The following PLEKHG6 variants were observed in gnomAD, a reference collection of about 807,000 sequenced individuals.
The protein encoded by PLEKHG6 is pleckstrin homology domain-containing family G member 6.
In PLEKHG6, 91 loss-of-function variants were observed where a neutral mutation model predicts 97.5. That is an observed-to-expected ratio of 0.93 (90% confidence interval 0.79 to 1.11). The LOEUF (loss-of-function observed/expected upper bound fraction) is 1.11, where lower values mean the gene tolerates loss of function less well. PLEKHG6 is among the 50% of genes most tolerant of loss of function. The pLI is 0.00. For missense variants in PLEKHG6, 1,044 were observed against 1,031.0 expected (o/e 1.01, Z -0.17); for synonymous variants, 466 against 425.5 (o/e 1.10, Z -1.17).
intron 7 of PLEKHG6, among the ~76,000 whole-genome samples, chr12:6,317,059 G>A (rs1056639158): frequency 2.0e-5 from 3 of 152,214 alleles, no homozygotes; most frequent in Admixed American, 6.5e-5. Context: ...TAGCACTGTG[G>A]ATAGAGGGAG....
At chr12:6,310,595 G>T (rs892797922), upstream of PLEKHG6, 3 of 152,376 alleles carry the variant, frequency 2.0e-5, no homozygotes, top group Non-Finnish European at 4.4e-5. Flanking sequence ...GTGAGGGCGG[G>T]GGCTGCTCGG....
At position 6,317,458 on chromosome 12, in the gene PLEKHG6, G is replaced by GTCTTA. The variant is rs759401697; in HGVS notation, c.867+45_867+46insTCTTA. On this transcript the variant is annotated intron_variant, in intron 8 of 15. Transcript: ENST00000684764. ...GGAGGGGGACGGGTGCATCTTAGCC[G>GTCTTA]GCCGGTCTCCAGCTGAGCCTGAGGC... The GTCTTA allele has an allele frequency of 1.9e-6, 3 of 1,609,432 alleles. No individual in the cohort carries two copies. The African/African-American group carries it at 4.0e-5, about 22-fold the overall frequency.
chr12:6,317,544 C>T lies in PLEKHG6; in HGVS notation c.868-3C>T. The T allele has an allele frequency of 6.2e-7, 1 of 1,613,278 alleles. No individual in the cohort carries two copies. The highest frequency in any genetic ancestry group is 8.5e-7 in the Non-Finnish European group (1 of 1,179,702). On this transcript the variant is annotated splice_polypyrimidine_tract_variant and splice_region_variant and intron_variant, in intron 8 of 15. Coordinates refer to ENST00000684764, the MANE Select transcript of PLEKHG6 (RefSeq NM_001384598.1). ...CCCTGAGCCCCACCCACCTTCCCTG[C>T]AGTGGTGTGAGAAGCACAAGCGCTC...
chr12:6,316,011 C>T lies in PLEKHG6; in HGVS notation c.606+92C>T. 1 of 1,234,026 alleles carries T rather than the reference C, an allele frequency of 8.1e-7. No individual in the cohort carries two copies. The highest frequency in any genetic ancestry group is 1.1e-6 in the Non-Finnish European group (1 of 883,140). 76.4% of individuals were successfully genotyped at this position (1,234,026 alleles called of 1,614,324 possible). A position where few individuals can be genotyped will look rare whatever the true frequency, so the allele number is the denominator to read the frequency against. Reference sequence around the variant, plus strand: ...CCTCCAGCCATCCCTGTCTGAATTCCCACTGCCCCGTTTTTTGGGATGCCT... The same window carrying T: ...CCTCCAGCCATCCCTGTCTGAATTCTCACTGCCCCGTTTTTTGGGATGCCT... On this transcript the variant is annotated intron_variant, in intron 6 of 15. Transcript: ENST00000684764. This position sits in a 1 kb window ranked among gnomAD's most constrained non-coding sequence, Gnocchi z 4.1.
At position 6,310,743 on chromosome 12, in the gene PLEKHG6, G is replaced by A. The variant is rs574286614; in HGVS notation, c.-174G>A. On this transcript the variant is annotated 5_prime_UTR_variant, in exon 1 of 16. Transcript: ENST00000684764. ...GCCGCTCGATCCCAGTCCCAGGCTGGGCATCGGGGCTGGCTGGCATCGCCG... is the reference window on the plus strand; with the variant it reads ...GCCGCTCGATCCCAGTCCCAGGCTGAGCATCGGGGCTGGCTGGCATCGCCG... 23 of 152,264 alleles carry A rather than the reference G, an allele frequency of 1.5e-4. No individual in the cohort carries two copies. Among genetic ancestry groups the A allele is most frequent in the African/African-American group, 5.5e-4 (23 of 41,556 alleles). The allele number at this position is 152,264 out of a possible 1,614,324, so 9.4% of individuals were successfully genotyped here. A position where few individuals can be genotyped will look rare whatever the true frequency, so the allele number is the denominator to read the frequency against.
Position 6,319,031 on chromosome 12 carries a change from G to GGTGAA in PLEKHG6, c.1447_1448insGTGAA (p.Val483GlyfsTer34). The GGTGAA allele has an allele frequency of 1.2e-6, 2 of 1,614,078 alleles. No homozygotes were observed. Among genetic ancestry groups the GGTGAA allele is most frequent in the Non-Finnish European group, 1.7e-6 (2 of 1,179,964 alleles). On this transcript the variant is annotated frameshift_variant, in exon 13 of 16. Coordinates refer to ENST00000684764, the MANE Select transcript of PLEKHG6 (RefSeq NM_001384598.1). LOFTEE classifies it high-confidence loss of function. ...GATCCACCTCACTGAATTCCAGTGTGTCTCCAGCGCCCTCCTTGTGCACTG... is the reference window on the plus strand; with the variant it reads ...GATCCACCTCACTGAATTCCAGTGTGGTGAATCTCCAGCGCCCTCCTTGTGCACTG...
chr12:6,312,191 G>GAT lies in PLEKHG6; in HGVS notation c.-33_-32dup. 2 of 1,450,780 alleles carry GAT rather than the reference G, an allele frequency of 1.4e-6. No homozygotes were observed. Among genetic ancestry groups the GAT allele is most frequent in the Non-Finnish European group, 1.8e-6 (2 of 1,104,150 alleles). The allele number at this position is 1,450,780 out of a possible 1,614,324, so 89.9% of individuals were successfully genotyped here. On this transcript the variant is annotated 5_prime_UTR_variant, in exon 2 of 16. It adds an upstream start codon to the 5' untranslated region. Coordinates refer to ENST00000684764, the MANE Select transcript of PLEKHG6 (RefSeq NM_001384598.1). ...GGACCTCTTTCTCCTGGACATTGAA[G>GAT]ATATGGCCCTTTGGAGGTGACCCAG...
At position 6,327,513 on chromosome 12, in the gene PLEKHG6, C is replaced by T. The variant is rs776057957; in HGVS notation, c.1930C>T (p.Arg644Ter). ...TCCCGACCCCCAAGCTCCTCAACGC[C>T]GAAGCGCCCCCGAACTGCCGGAAGG... ...HPPDPQAPQR[R>*]SAPELPEGIL... is the part of the protein sequence containing the mutation. The change falls in exon 15 of 16, where the codon CGA (arginine) becomes TGA (stop). Residue 644 changes from arginine (R) to a stop codon, truncating the protein, a stop_gained. Coordinates refer to ENST00000684764, the MANE Select transcript of PLEKHG6 (RefSeq NM_001384598.1). LOFTEE classifies it high-confidence loss of function. The T allele has an allele frequency of 3.7e-6, 6 of 1,608,038 alleles. No individual in the cohort carries two copies. Among genetic ancestry groups the T allele is most frequent in the Non-Finnish European group, 5.1e-6 (6 of 1,176,624 alleles).
In PLEKHG6 at chr12:6,317,972, C is replaced by A; in HGVS notation, c.1133C>A (p.Pro378Gln). The A allele has an allele frequency of 6.3e-7, 1 of 1,590,012 alleles. No individual in the cohort carries two copies. The highest frequency in any genetic ancestry group is 2.3e-5 in the East Asian group (1 of 44,082). Residue 378 changes from proline (P) to glutamine (Q), a missense_variant, in exon 10 of 16, where the codon CCA becomes CAA. Pro to Gln is a moderately conservative substitution (Grantham distance 76). Transcript: ENST00000684764. ...ATCGGGCCCTACGAGGTGCTGGAGC[C>A]ACCCAGTGATGAGGTGGAGAAGGTG... Reference protein sequence around the residue: ...QRIGPYEVLEPPSDEVEKNLR... With the variant: ...QRIGPYEVLEQPSDEVEKNLR...
chr12:6,319,197 CA>C, intron 13 of PLEKHG6, 89 bp downstream of exon 13: 1 of 869,056 alleles, frequency 1.2e-6, no homozygotes. Context: ...CCTGTAATCT[CA>C]GCACTTTGGG....
intron 2 of PLEKHG6, 124 bp downstream of exon 2, chr12:6,312,488 C>A: frequency 1.7e-6 from 2 of 1,209,668 alleles, no homozygotes; most frequent in Non-Finnish European, 2.2e-6. Flanking sequence ...CCCTACTCTT[C>A]TTTCCTGGGT....
At chr12:6,322,435 T>G (rs1197316998) in intron 13 of PLEKHG6, among the ~76,000 whole-genome samples, 1 of 152,170 alleles carries the variant, frequency 6.6e-6, no homozygotes, top group Non-Finnish European at 1.5e-5. Flanking sequence ...GTGATGACAG[T>G]GGTCTCCCAT....
At position 6,316,848 on chromosome 12, in the gene PLEKHG6, A is replaced by G; in HGVS notation, c.756+444A>G. Among the ~76,000 whole-genome samples, 1 of 152,198 alleles carries G rather than the reference A, an allele frequency of 6.6e-6. No individual in the cohort carries two copies. Among genetic ancestry groups the G allele is most frequent in the Non-Finnish European group, 1.5e-5 (1 of 68,034 alleles). On this transcript the variant is annotated intron_variant, in intron 7 of 15. Coordinates refer to ENST00000684764, the MANE Select transcript of PLEKHG6 (RefSeq NM_001384598.1). The surrounding 1 kb of genome is among the most constrained non-coding windows in gnomAD (Gnocchi z 4.1). The stretch of plus-strand genomic sequence containing the variant: ...CTAGCCAGGAAAATGTGGGCCCTGC[A>G]GGAAAAAGTTGCAGTGGGGTAGAGA...
At chr12:6,318,097 G>A (rs1306184319) in intron 10 of PLEKHG6, 103 bp downstream of exon 10, 2 of 1,417,162 alleles carry the variant, frequency 1.4e-6, no homozygotes, top group Non-Finnish European at 1.9e-6. Flanking sequence ...GGTGCTACAA[G>A]GGTGTCCATC....
chr12:6,318,389 C>G lies in PLEKHG6; in HGVS notation c.1244C>G (p.Pro415Arg). 21 of 1,612,002 alleles carry G rather than the reference C, an allele frequency of 1.3e-5. No individual in the cohort carries two copies. Among genetic ancestry groups the G allele is most frequent in the Non-Finnish European group, 1.8e-5 (21 of 1,179,226 alleles). ...ACCAGACAGCTGCTGCTGGAGGGGC[C>G]TGTGCGAGTGAAGGAGGGACGAGAA... ...EHTRQLLLEGPVRVKEGREGK... is the reference protein window; with the variant it reads ...EHTRQLLLEGRVRVKEGREGK... The change falls in exon 11 of 16, where the codon CCT becomes CGT. Residue 415 changes from proline to arginine, a missense_variant. Physicochemically the swap from Pro to Arg is moderately radical, Grantham distance 103. Coordinates refer to ENST00000684764, the MANE Select transcript of PLEKHG6 (RefSeq NM_001384598.1).
chr12:6,319,027 G>A lies in PLEKHG6; in HGVS notation c.1443G>A (p.Gln481=). The part of the protein sequence containing the change: ...SFLLIHLTEF[Q]CVSSALLVHC... ...TGCTGATCCACCTCACTGAATTCCAGTGTGTCTCCAGCGCCCTCCTTGTGC... is the reference window on the plus strand; with the variant it reads ...TGCTGATCCACCTCACTGAATTCCAATGTGTCTCCAGCGCCCTCCTTGTGC... Residue 481 remains glutamine (Q), a synonymous_variant, in exon 13 of 16, where the codon CAG becomes CAA. Transcript: ENST00000684764. 2.5e-6 allele frequency: 4 copies of A among 1,614,074 alleles called. No individual in the cohort carries two copies. Among genetic ancestry groups the A allele is most frequent in the Non-Finnish European group, 3.4e-6 (4 of 1,179,970 alleles).
At chr12:6,320,422 T>A (rs1947664740) in intron 13 of PLEKHG6, among the ~76,000 whole-genome samples, 2 of 152,196 alleles carry the variant, frequency 1.3e-5, no homozygotes, top group African/African-American at 4.8e-5. Flanking sequence ...GAGTTTCCTC[T>A]GGAGGCTCTA....
rs528872224 is a variant in PLEKHG6, at chr12:6,314,998, C to T, written c.295-7C>T. The T allele has an allele frequency of 6.2e-6, 10 of 1,611,652 alleles. No homozygotes were observed. In the East Asian group the frequency reaches 2.0e-4, roughly 32 times the overall value. On this transcript the variant is annotated splice_region_variant and splice_polypyrimidine_tract_variant and intron_variant, in intron 3 of 15. Coordinates refer to ENST00000684764, the MANE Select transcript of PLEKHG6 (RefSeq NM_001384598.1). Reference sequence around the variant, plus strand: ...ACCAGAGCTGATGCCCTTCTCGGCTCCCCCAGGAACTCACCAAGGCCCATG... The same window carrying T: ...ACCAGAGCTGATGCCCTTCTCGGCTTCCCCAGGAACTCACCAAGGCCCATG...
chr12:6,318,174 C>A, intron 10 of PLEKHG6, 127 bp from the exon 11 acceptor site: 1 of 1,487,216 alleles, frequency 6.7e-7, no homozygotes, highest in Non-Finnish European at 9.2e-7. Flanking sequence ...CCCTGGGAGG[C>A]TTTCTCTAGC....
Sources: gnomAD v4.1 joint callset for allele counts (sites outside exome capture counted in the v4.1 genomes callset) on GRCh38, gnomAD v4.1.1 for gene constraint, Gnocchi (gnomAD v3.1) non-coding constraint, MANE v1.5 for transcripts, NCBI Gene and HGNC (gene_info 2026-07-23, HGNC 2026-07-21) for gene names.